MCUB: variants seen among roughly 807,000 people sequenced by gnomAD.
The protein encoded by MCUB is mitochondrial calcium uniporter dominant negative subunit beta.
MCUB carries 46 observed loss-of-function variants against 41.4 expected under a neutral mutation model. That is an observed-to-expected ratio of 1.11 (90% CI 0.88 to 1.42). The LOEUF (loss-of-function observed/expected upper bound fraction) is 1.42. Ranked by LOEUF, MCUB falls within the 40% of genes most tolerant of loss-of-function variation. MCUB has a pLI of 0.00. For synonymous variants in MCUB, 148 were observed against 148.2 expected (o/e 1.00, Z 0.01); for missense variants, 403 against 404.9 (o/e 1.00, Z 0.04).
intron 4 of MCUB, among the ~76,000 whole-genome samples, chr4:109,666,286 G>A (rs902713611): frequency 6.6e-6 from 1 of 152,134 alleles, no homozygotes; most frequent in Non-Finnish European, 1.5e-5. Context: ...TTGTTTGCAC[G>A]TAGATTTTCA....
chr4:109,577,207 T>C (rs906685534), intron 1 of MCUB, among the ~76,000 whole-genome samples: 3 of 152,244 alleles, frequency 2.0e-5, no homozygotes, highest in Non-Finnish European at 4.4e-5. Context: ...TTATTAAAAC[T>C]GAAATGGAAA....
In MCUB at chr4:109,560,386, C is replaced by G. The variant is rs1321900724; in HGVS notation, c.49C>G (p.Pro17Ala). ...GTGGCGCACGCGGCTGCTGCCGACC[C>G]CTGGCACCTGGCGCCCAGCGCGCCC... ...WPWRTRLLPTPGTWRPARPWP... is the reference protein window; with the variant it reads ...WPWRTRLLPTAGTWRPARPWP... Residue 17 changes from proline to alanine, a missense_variant, in exon 1 of 8, where the codon CCT becomes GCT. Pro to Ala is a conservative substitution (Grantham distance 27). Transcript: ENST00000394650. 4 of 1,328,694 alleles carry G rather than the reference C, an allele frequency of 3.0e-6. No homozygotes were observed. The allele number at this position is 1,328,694 out of a possible 1,614,324, so 82.3% of individuals were successfully genotyped here. A position where few individuals can be genotyped will look rare whatever the true frequency, so the allele number is the denominator to read the frequency against.
At position 109,645,129 on chromosome 4, in the gene MCUB, T is replaced by C. The variant is rs73838844; in HGVS notation, c.100-13882T>C. Among the ~76,000 whole-genome samples, 152 of 152,312 alleles carry C rather than the reference T, an allele frequency of 1.0e-3. 1 individual carries two copies. Among genetic ancestry groups the C allele is most frequent in the African/African-American group, 3.6e-3 (149 of 41,572 alleles). The stretch of plus-strand genomic sequence containing the variant: ...AACTGAGCTCTTTCTTATTCCTCTA[T>C]AGACCTGATTCTCTCCTTTATTCTT... On this transcript the variant is annotated intron_variant, in intron 1 of 7. Transcript: ENST00000394650.
intron 3 of MCUB, among the ~76,000 whole-genome samples, chr4:109,660,810 C>A (rs1480802488): frequency 6.6e-6 from 1 of 151,120 alleles, no homozygotes; most frequent in East Asian, 1.9e-4. Flanking sequence ...GAGTGAAACT[C>A]CATCCCAAGA....
chr4:109,625,534 T>C (rs1449022559), intron 1 of MCUB, among the ~76,000 whole-genome samples: 1 of 152,234 alleles, frequency 6.6e-6, no homozygotes, highest in Non-Finnish European at 1.5e-5. Context: ...GCTGAGCACA[T>C]TTGAGTTGTA....
At position 109,630,063 on chromosome 4, in the gene MCUB, C is replaced by T. The variant is rs80233583; in HGVS notation, c.100-28948C>T. 3.7e-3 allele frequency among the ~76,000 whole-genome samples: 562 copies of T among 152,224 alleles called. 7 individuals carry two copies. The highest frequency in any genetic ancestry group is 0.015 in the East Asian group (76 of 5,176). On this transcript the variant is annotated intron_variant, in intron 1 of 7. Coordinates refer to ENST00000394650, the MANE Select transcript of MCUB (RefSeq NM_017918.5). ...AAAGACACTTACCACTTTGAAGATT[C>T]CAAGGATTTTAAGAGCTTCTGCCAG...
intron 4 of MCUB, among the ~76,000 whole-genome samples, chr4:109,671,583 C>G (rs1304642308): frequency 6.6e-6 from 1 of 152,058 alleles, no homozygotes. Flanking sequence ...TTGGTTCTTT[C>G]TAAGTTTCTA....
intron 1 of MCUB, among the ~76,000 whole-genome samples, chr4:109,637,976 G>C (rs1232307609): frequency 1.3e-5 from 2 of 152,188 alleles, no homozygotes; most frequent in African/African-American, 4.8e-5. Context: ...TTTGGTTCCA[G>C]ACCACTACAG....
intron 1 of MCUB, among the ~76,000 whole-genome samples, chr4:109,627,485 C>T (rs1467315336): frequency 6.6e-6 from 1 of 152,210 alleles, no homozygotes; most frequent in Non-Finnish European, 1.5e-5. Flanking sequence ...AACTCTATTA[C>T]AGCAACTGTC....
chr4:109,611,450 T>A (rs367837905), intron 1 of MCUB, among the ~76,000 whole-genome samples: 4 of 152,320 alleles, frequency 2.6e-5, no homozygotes, highest in South Asian at 4.1e-4. Flanking sequence ...AGCTTTATGG[T>A]GTATGTATTT....
chr4:109,621,481 C>G (rs2126135798), intron 1 of MCUB, among the ~76,000 whole-genome samples: 1 of 152,228 alleles, frequency 6.6e-6, no homozygotes, highest in South Asian at 2.1e-4. Context: ...CTAATTATTT[C>G]TAATATATCA....
intron 1 of MCUB, among the ~76,000 whole-genome samples, chr4:109,606,778 C>T (rs990682695): frequency 3.9e-5 from 6 of 152,186 alleles, no homozygotes; most frequent in Admixed American, 2.6e-4. Flanking sequence ...TGGAATTTCA[C>T]TCTTTTCATC....
chr4:109,654,589 C>T (rs185694304), intron 1 of MCUB, among the ~76,000 whole-genome samples: 15 of 151,448 alleles, frequency 9.9e-5, no homozygotes, highest in African/African-American at 2.9e-4. Context: ...CCAGCCTGGG[C>T]GACAGAGCAA....
chr4:109,673,957 GCA>G, intron 4 of MCUB: 1 of 829,074 alleles, frequency 1.2e-6, no homozygotes, highest in Non-Finnish European at 2.2e-6. Flanking sequence ...AGGTTTTGCA[GCA>G]GTTGTTGCAT....
chr4:109,671,670 T>A (rs1729462383), intron 4 of MCUB, among the ~76,000 whole-genome samples: 1 of 152,266 alleles, frequency 6.6e-6, no homozygotes, highest in Non-Finnish European at 1.5e-5. Flanking sequence ...ATAGTTGCTT[T>A]ACTATCCTAC....
At position 109,623,595 on chromosome 4, in the gene MCUB, G is replaced by T. The variant is rs569033355; in HGVS notation, c.100-35416G>T. 6.6e-5 allele frequency among the ~76,000 whole-genome samples: 10 copies of T among 152,302 alleles called. No individual in the cohort carries two copies. The East Asian group carries it at 1.3e-3, about 21-fold the overall frequency. ...GGTTGCTCTGGAAGCAACCTGTCAA[G>T]AACTTAAGGCATTCAGACTGTGTAT... is the stretch of plus-strand genomic sequence containing the variant. On this transcript the variant is annotated intron_variant, in intron 1 of 7. Coordinates refer to ENST00000394650, the MANE Select transcript of MCUB (RefSeq NM_017918.5).
chr4:109,638,076 C>CA (rs1334888116), intron 1 of MCUB, among the ~76,000 whole-genome samples: 2 of 152,066 alleles, frequency 1.3e-5, no homozygotes, highest in Non-Finnish European at 2.9e-5. Context: ...GTTTACAGTC[C>CA]AGGGCCTGGT....
intron 1 of MCUB, among the ~76,000 whole-genome samples, chr4:109,642,608 C>T (rs1470523190): frequency 7.7e-6 from 1 of 129,090 alleles, no homozygotes; most frequent in Non-Finnish European, 1.6e-5. Context: ...TTTTTCTTCA[C>T]CCCAGGTTAA....
chr4:109,583,925 G>A (rs991674769), intron 1 of MCUB, among the ~76,000 whole-genome samples: 15 of 151,842 alleles, frequency 9.9e-5, no homozygotes, highest in Non-Finnish European at 1.8e-4. Context: ...ACTTGATCGT[G>A]GTGGATAAGC....
Sources: allele counts gnomAD v4.1 joint callset (sites outside exome capture counted in the v4.1 genomes callset), GRCh38; gene constraint gnomAD v4.1.1; transcripts MANE v1.5; gene names NCBI Gene and HGNC (gene_info 2026-07-23, HGNC 2026-07-21).